The following ARHGAP15 variants were observed in gnomAD, a reference collection of about 807,000 sequenced individuals.
ARHGAP15 encodes rho GTPase-activating protein 15.
In ARHGAP15, 51 loss-of-function variants were observed where a neutral mutation model predicts 63.7. That is an observed-to-expected ratio of 0.80 (90% CI 0.64 to 1.01). The LOEUF (loss-of-function observed/expected upper bound fraction) is 1.01, where lower values mean the gene tolerates loss of function less well. Among genes scored for constraint, ARHGAP15 ranks in the 50% least tolerant of loss-of-function variants. The pLI, the probability that ARHGAP15 is intolerant of heterozygous loss-of-function variation, is 0.00. For missense variants in ARHGAP15, 560 were observed against 564.6 expected (o/e 0.99, Z 0.08); for synonymous variants, 191 against 193.8 (o/e 0.99, Z 0.12).
At chr2:143,470,932 ATATG>A (rs1691508303) in intron 8 of ARHGAP15, among the ~76,000 whole-genome samples, 1 of 145,662 alleles carries the variant, frequency 6.9e-6, no homozygotes, top group Admixed American at 6.9e-5. Flanking sequence ...ATATGTGTAT[ATATG>A]TGTGTATATA....
At chr2:143,470,892 T>TTATGTGTGTATATATATACACGTATGTG (rs1558993332) in intron 8 of ARHGAP15, among the ~76,000 whole-genome samples, 9 of 149,300 alleles carry the variant, frequency 6.0e-5, no homozygotes, top group Non-Finnish European at 5.9e-5. Context: ...ACACGTATAT[T>TTATGTGTGTATATATATACACGTATGTG]TATGTGTGTA....
intron 6 of ARHGAP15, among the ~76,000 whole-genome samples, chr2:143,317,700 C>T (rs762978427): frequency 2.0e-5 from 3 of 152,128 alleles, no homozygotes; most frequent in African/African-American, 7.2e-5. Flanking sequence ...ATAATATTTT[C>T]GAGAAGATAG....
chr2:143,352,353 T>C (rs1685609438), intron 6 of ARHGAP15, among the ~76,000 whole-genome samples: 1 of 152,196 alleles, frequency 6.6e-6, no homozygotes, highest in South Asian at 2.1e-4. Context: ...TTTTAAAAAA[T>C]AGATTTGCCT....
At chr2:143,254,819 A>T (rs1361195622) in intron 6 of ARHGAP15, among the ~76,000 whole-genome samples, 1 of 152,020 alleles carries the variant, frequency 6.6e-6, no homozygotes, top group Non-Finnish European at 1.5e-5. Context: ...GTTACTGCTA[A>T]GGGTACAGTT....
chr2:143,550,389 C>T (rs1296059627), intron 10 of ARHGAP15, among the ~76,000 whole-genome samples: 1 of 152,066 alleles, frequency 6.6e-6, no homozygotes, highest in East Asian at 1.9e-4. Flanking sequence ...AATCAAGAAA[C>T]TTCTTAAACT....
At position 143,479,258 on chromosome 2, in the gene ARHGAP15, G is replaced by A. The variant is rs141129511; in HGVS notation, c.704-8115G>A. On this transcript the variant is annotated intron_variant, in intron 8 of 13. Coordinates refer to ENST00000295095, the MANE Select transcript of ARHGAP15 (RefSeq NM_018460.4). ...TCTCCAACTTGACTTACTTTTTTGC[G>A]GAAATCTAAGTGTTAATTTCGTAGA... Among the ~76,000 whole-genome samples, 18 of 151,620 alleles carry A rather than the reference G, an allele frequency of 1.2e-4. No homozygotes were observed. The East Asian group carries it at 2.5e-3, about 21-fold the overall frequency.
intron 6 of ARHGAP15, among the ~76,000 whole-genome samples, chr2:143,322,262 C>G (rs951945365): frequency 6.6e-6 from 1 of 152,184 alleles, no homozygotes; most frequent in South Asian, 2.1e-4. Flanking sequence ...TTAGGAGATA[C>G]TATGTTGATT....
chr2:143,701,344 G>T (rs1684081079), intron 12 of ARHGAP15, among the ~76,000 whole-genome samples: 1 of 152,110 alleles, frequency 6.6e-6, no homozygotes, highest in Non-Finnish European at 1.5e-5. Context: ...TTGGACTTTT[G>T]TAAGTACATC....
At chr2:143,136,828 G>A (rs1452484582) in intron 1 of ARHGAP15, among the ~76,000 whole-genome samples, 2 of 151,926 alleles carry the variant, frequency 1.3e-5, no homozygotes, top group Middle Eastern at 3.2e-3. Context: ...GTGATGATTG[G>A]AAATCTTAGG....
At chr2:143,732,917 T>G (rs959378307) in intron 13 of ARHGAP15, among the ~76,000 whole-genome samples, 2 of 149,376 alleles carry the variant, frequency 1.3e-5, no homozygotes, top group Non-Finnish European at 3.0e-5. Flanking sequence ...TGGGTTTTTT[T>G]TTTTTTTTTT....
At chr2:143,595,932 T>C (rs1194439170) in intron 11 of ARHGAP15, among the ~76,000 whole-genome samples, 3 of 152,266 alleles carry the variant, frequency 2.0e-5, no homozygotes, top group South Asian at 2.1e-4. Context: ...TAAACTGAAA[T>C]TGAAAATTAA....
At chr2:143,501,003 T>C (rs977945159) in intron 9 of ARHGAP15, among the ~76,000 whole-genome samples, 1 of 152,160 alleles carries the variant, frequency 6.6e-6, no homozygotes, top group African/African-American at 2.4e-5. Context: ...AACATGTCCC[T>C]TTGAACTTGG....
intron 8 of ARHGAP15, among the ~76,000 whole-genome samples, chr2:143,443,578 T>G (rs1327469784): frequency 6.6e-6 from 1 of 152,108 alleles, no homozygotes; most frequent in African/African-American, 2.4e-5. Context: ...ATCTAAAGAA[T>G]AGTTGAGTGT....
chr2:143,615,818 G>A (rs915783260), intron 11 of ARHGAP15, among the ~76,000 whole-genome samples: 12 of 152,246 alleles, frequency 7.9e-5, no homozygotes, highest in African/African-American at 1.4e-4. Context: ...TTTGGAGTAC[G>A]TAATGTATGA....
At chr2:143,554,464 A>G (rs1005405495) in intron 10 of ARHGAP15, among the ~76,000 whole-genome samples, 2 of 152,164 alleles carry the variant, frequency 1.3e-5, no homozygotes, top group Admixed American at 6.6e-5. Context: ...GTGATTTTAG[A>G]GAAGAATTTT....
At chr2:143,477,223 CACAT>C (rs1372792055) in intron 8 of ARHGAP15, among the ~76,000 whole-genome samples, 2 of 151,838 alleles carry the variant, frequency 1.3e-5, no homozygotes, top group Non-Finnish European at 2.9e-5. Flanking sequence ...CACACACACA[CACAT>C]ATACAGCAGC....
chr2:143,497,476 T>C (rs757642844), intron 9 of ARHGAP15, among the ~76,000 whole-genome samples: 19 of 152,174 alleles, frequency 1.2e-4, no homozygotes, highest in Non-Finnish European at 2.2e-4. Flanking sequence ...CATTTATTAT[T>C]GATACCCTGC....
At chr2:143,758,842 T>C (rs1483815821) in intron 13 of ARHGAP15, among the ~76,000 whole-genome samples, 2 of 152,132 alleles carry the variant, frequency 1.3e-5, no homozygotes, top group Non-Finnish European at 2.9e-5. Context: ...GGAATGCTGT[T>C]TATCAAGCCT....
chr2:143,139,006 C>T (rs78455389), intron 1 of ARHGAP15, among the ~76,000 whole-genome samples: 5,729 of 152,036 alleles, frequency 0.038, 367 homozygotes, highest in African/African-American at 0.13. Flanking sequence ...CGGCTCTAAA[C>T]CATCTTCTTT....
Sources: gnomAD v4.1 joint callset for allele counts (sites outside exome capture counted in the v4.1 genomes callset) on GRCh38, gnomAD v4.1.1 for gene constraint, MANE v1.5 for transcripts, NCBI Gene and HGNC (gene_info 2026-07-23, HGNC 2026-07-21) for gene names.